The following CHD2 variants were observed in gnomAD, a reference collection of about 807,000 sequenced individuals.
CHD2 encodes chromodomain helicase DNA binding protein 2.
Under a neutral mutation model 243.9 loss-of-function variants are expected in CHD2, and 28 were observed. The ratio of observed to expected loss-of-function variants is 0.11; its 90% CI spans 0.09 to 0.16. CHD2 has a LOEUF of 0.16. CHD2 is among the 10% of genes least tolerant of loss of function. The pLI, the probability that CHD2 is intolerant of heterozygous loss-of-function variation, is 1.00. For missense variants in CHD2, 1,386 were observed against 2,209.8 expected (o/e 0.63, Z 7.47); for synonymous variants, 775 against 779.0 (o/e 0.99, Z 0.09).
chr15:92,979,868 A>G (rs2141845057), intron 22 of CHD2, among the ~76,000 whole-genome samples: 1 of 152,006 alleles, frequency 6.6e-6, no homozygotes, highest in Non-Finnish European at 1.5e-5. Flanking sequence ...CAGTGAGCCG[A>G]GATTGTGCCA....
chr15:92,946,288 C>A, intron 12 of CHD2, 72 bp downstream of exon 12: 1 of 1,183,852 alleles, frequency 8.4e-7, no homozygotes, highest in Non-Finnish European at 1.1e-6. Flanking sequence ...CACATATGTG[C>A]TGAGAAAATA....
At chr15:92,966,042 TTTTC>T (rs958621897) in intron 16 of CHD2, among the ~76,000 whole-genome samples, 4 of 151,572 alleles carry the variant, frequency 2.6e-5, no homozygotes, top group African/African-American at 7.3e-5. Context: ...GATAGTTCAG[TTTTC>T]TTTCTTTCTT....
chr15:92,908,003 A>AT (rs71877681), intron 2 of CHD2, among the ~76,000 whole-genome samples: 26,074 of 107,520 alleles, frequency 0.24, 3,757 homozygotes, highest in East Asian at 0.61. Flanking sequence ...CTCTCTTAGA[A>AT]TTTTTTTTTT....
rs1235843668 is a variant in CHD2, at chr15:92,997,247, C to G, written c.3735-6C>G. ...TAATGTCTTCCTGTTTTTAAACTTT[C>G]TTTAGATACTGCTTAACCTGTCGTG... On this transcript the variant is annotated splice_region_variant and splice_polypyrimidine_tract_variant and intron_variant, in intron 29 of 38. Coordinates refer to ENST00000394196, the MANE Select transcript of CHD2 (RefSeq NM_001271.4). This position sits in a 1 kb window ranked among gnomAD's most constrained non-coding sequence, Gnocchi z 4.1. 1.2e-6 allele frequency: 2 copies of G among 1,613,884 alleles called. No individual in the cohort carries two copies. The highest frequency in any genetic ancestry group is 1.7e-4 in the Middle Eastern group (1 of 6,060).
At chr15:92,959,148 GAC>G (rs1431839565) in intron 16 of CHD2, among the ~76,000 whole-genome samples, 3 of 152,180 alleles carry the variant, frequency 2.0e-5, no homozygotes, top group Non-Finnish European at 4.4e-5. Context: ...TATCATATCT[GAC>G]ACAGATTTGC....
intron 34 of CHD2, among the ~76,000 whole-genome samples, chr15:93,006,124 CTTTTTTTTTTT>C (rs55820002): frequency 2.4e-5 from 3 of 125,266 alleles, no homozygotes; most frequent in Admixed American, 8.7e-5. Flanking sequence ...CTCTCTCTCT[CTTTTTTTTTTT>C]TTTTTTTTTG....
At chr15:92,971,688 ATC>A in intron 17 of CHD2, 75 bp from the exon 18 acceptor site, 1 of 1,284,104 alleles carries the variant, frequency 7.8e-7, no homozygotes, top group Non-Finnish European at 1.1e-6. Context: ...TACTACTACT[ATC>A]TCTTATACTC....
chr15:92,908,319 T>G (rs1376253709), intron 2 of CHD2, among the ~76,000 whole-genome samples: 1 of 152,240 alleles, frequency 6.6e-6, no homozygotes, highest in East Asian at 1.9e-4. Context: ...GTGTTCAGTC[T>G]AAACCATAGG....
chr15:92,965,837 C>G (rs1270498371), intron 16 of CHD2, among the ~76,000 whole-genome samples: 2 of 151,858 alleles, frequency 1.3e-5, no homozygotes, highest in African/African-American at 4.8e-5. Flanking sequence ...GGAAGTAAAT[C>G]TTGGAAATAA....
intron 2 of CHD2, among the ~76,000 whole-genome samples, chr15:92,919,184 C>T (rs2052906087): frequency 6.7e-6 from 1 of 149,114 alleles, no homozygotes; most frequent in Admixed American, 6.7e-5. Context: ...TTTTTTGAGA[C>T]GGAGTCTGGC....
intron 5 of CHD2, among the ~76,000 whole-genome samples, chr15:92,936,772 A>T (rs1182217346): frequency 6.6e-6 from 1 of 151,986 alleles, no homozygotes; most frequent in Non-Finnish European, 1.5e-5. Flanking sequence ...ATTTGTTGAA[A>T]TTCATATTTT....
chr15:93,005,889 C>G (rs1390450984), intron 34 of CHD2, among the ~76,000 whole-genome samples: 1 of 152,110 alleles, frequency 6.6e-6, no homozygotes, highest in African/African-American at 2.4e-5. Flanking sequence ...AAAATGATAT[C>G]TAATGTTCTA....
At chr15:92,952,734 G>T (rs904577464) in intron 13 of CHD2, among the ~76,000 whole-genome samples, 7 of 152,180 alleles carry the variant, frequency 4.6e-5, no homozygotes, top group African/African-American at 1.7e-4. Flanking sequence ...ATCCTGGTCT[G>T]GTCTAAGGAA....
intron 9 of CHD2, chr15:92,943,595 C>T (rs965718568): frequency 1.9e-5 from 3 of 161,412 alleles, no homozygotes; most frequent in East Asian, 1.8e-4. Flanking sequence ...AGGTTAACTA[C>T]TGAAACTGTG....
At chr15:92,990,478 T>C (rs1239328431) in intron 26 of CHD2, among the ~76,000 whole-genome samples, 1 of 152,214 alleles carries the variant, frequency 6.6e-6, no homozygotes, top group Non-Finnish European at 1.5e-5. Flanking sequence ...GGGAGCAGAT[T>C]TTCACAGACC....
chr15:92,994,104 C>A (rs2054157638), intron 28 of CHD2, among the ~76,000 whole-genome samples: 1 of 152,218 alleles, frequency 6.6e-6, no homozygotes, highest in Admixed American at 6.5e-5. Context: ...TACCCTTCTG[C>A]AGCTTTGTTG....
chr15:92,927,198 T>C (rs372111604), intron 3 of CHD2, 46 bp from the exon 4 acceptor site: 93 of 1,317,270 alleles, frequency 7.1e-5, no homozygotes, highest in Admixed American at 1.6e-4. Flanking sequence ...ATAATAATAA[T>C]GGGGGTCAAG....
chr15:92,922,752 C>T (rs1333595009), intron 2 of CHD2, among the ~76,000 whole-genome samples: 1 of 152,188 alleles, frequency 6.6e-6, no homozygotes, highest in Non-Finnish European at 1.5e-5. Flanking sequence ...AACAGTCCAC[C>T]TCTTGCTGTA....
In CHD2 at chr15:92,946,235, T is replaced by G. The variant is rs1422688117; in HGVS notation, c.1377+19T>G. The G allele has an allele frequency of 1.3e-6, 2 of 1,588,566 alleles. No homozygotes were observed. Among genetic ancestry groups the G allele is most frequent in the South Asian group, 2.3e-5 (2 of 88,376 alleles). ...ATGCAAGGTATGGTGATGGTTGGCTTTTGTTTTTTCAGGGAGAAGATATAC... is the reference window on the plus strand; with the variant it reads ...ATGCAAGGTATGGTGATGGTTGGCTGTTGTTTTTTCAGGGAGAAGATATAC... On this transcript the variant is annotated intron_variant, in intron 12 of 38. Transcript: ENST00000394196.
Sources: gnomAD v4.1 joint callset for allele counts (sites outside exome capture counted in the v4.1 genomes callset) on GRCh38, gnomAD v4.1.1 for gene constraint, Gnocchi (gnomAD v3.1) non-coding constraint, MANE v1.5 for transcripts, NCBI Gene and HGNC (gene_info 2026-07-23, HGNC 2026-07-21) for gene names.